Variants in TIAM1 observed in about 807,000 individuals in gnomAD.
The protein encoded by TIAM1 is rho guanine nucleotide exchange factor TIAM1.
TIAM1 carries 65 observed loss-of-function variants against 163.5 expected under a neutral mutation model. The ratio of observed to expected loss-of-function variants is 0.40; its 90% CI spans 0.33 to 0.49. The LOEUF (loss-of-function observed/expected upper bound fraction) is 0.49. Ranked by LOEUF, TIAM1 falls within the 20% of genes least tolerant of loss-of-function variation. TIAM1 has a pLI of 0.77. For synonymous variants in TIAM1, 833 were observed against 810.1 expected (o/e 1.03, Z -0.48); for missense variants, 1,789 against 2,044.7 (o/e 0.87, Z 2.41).
rs772372343 is a variant in TIAM1, at chr21:31,154,425, C to A, written c.2993G>T (p.Ser998Ile). ...SSDETDHSSK[S>I]TEQVAAFCRS... ...GCAAAATGCGGCCACCTGTTCTGTA[C>A]TCTTCGGAGCACAGGGGGGAAGGGA... Residue 998 changes from serine (S) to isoleucine (I), a missense_variant and splice_region_variant, in exon 17 of 28, where the codon AGT becomes ATT. Transcript: ENST00000541036. 1 of 1,612,490 alleles carries A rather than the reference C, an allele frequency of 6.2e-7. No homozygotes were observed. Among genetic ancestry groups the A allele is most frequent in the African/African-American group, 1.3e-5 (1 of 74,876 alleles).
intron 2 of TIAM1, among the ~76,000 whole-genome samples, chr21:31,457,748 G>A (rs765861910): frequency 6.6e-6 from 1 of 152,306 alleles, no homozygotes; most frequent in African/African-American, 2.4e-5. Flanking sequence ...GTATGCAGGT[G>A]TTTCACTAAG....
At chr21:31,343,936 C>T (rs970439953) in intron 1 of TIAM1, among the ~76,000 whole-genome samples, 8 of 152,222 alleles carry the variant, frequency 5.3e-5, no homozygotes, top group African/African-American at 1.9e-4. Context: ...CAACGCGCGC[C>T]GAGCCTCGGG....
At chr21:31,267,584 C>T (rs1344352060) in intron 3 of TIAM1, among the ~76,000 whole-genome samples, 1 of 146,830 alleles carries the variant, frequency 6.8e-6, no homozygotes, top group Non-Finnish European at 1.5e-5. Context: ...AATGGAAAAC[C>T]TCAAGGTGTA....
At chr21:31,475,024 T>G (rs1036977704) in intron 1 of TIAM1, among the ~76,000 whole-genome samples, 59 of 45,716 alleles carry the variant, frequency 1.3e-3, no homozygotes, top group African/African-American at 6.1e-3. Flanking sequence ...TGAGCTAGTT[T>G]TTTATTATTA....
At chr21:31,350,874 G>A (rs1783006) in intron 2 of TIAM1, among the ~76,000 whole-genome samples, 38,939 of 152,064 alleles carry the variant, frequency 0.26, 5,114 homozygotes, top group East Asian at 0.44. Flanking sequence ...GAAGTGAAAA[G>A]GACCCCACCT....
At chr21:31,192,300 T>C (rs913614264) in intron 13 of TIAM1, among the ~76,000 whole-genome samples, 1 of 152,148 alleles carries the variant, frequency 6.6e-6, no homozygotes, top group Non-Finnish European at 1.5e-5. Context: ...AAAAGAGTTT[T>C]AAAGATTTTC....
intron 2 of TIAM1, among the ~76,000 whole-genome samples, chr21:31,447,510 G>C (rs2044670373): frequency 1.3e-5 from 2 of 152,248 alleles, no homozygotes; most frequent in African/African-American, 2.4e-5. Context: ...AGAGAAATAG[G>C]AAAGAAATTC....
At chr21:31,220,146 C>T (rs752811527) in intron 8 of TIAM1, among the ~76,000 whole-genome samples, 21 of 152,156 alleles carry the variant, frequency 1.4e-4, no homozygotes, top group Admixed American at 3.9e-4. Context: ...TAAAATACGT[C>T]GACATATATT....
intron 1 of TIAM1, among the ~76,000 whole-genome samples, chr21:31,530,025 A>G (rs1314773444): frequency 6.6e-6 from 1 of 152,182 alleles, no homozygotes; most frequent in Non-Finnish European, 1.5e-5. Flanking sequence ...TTGGAAGGCA[A>G]GAAGACAACC....
intron 1 of TIAM1, among the ~76,000 whole-genome samples, chr21:31,522,244 T>C (rs968629425): frequency 3.3e-5 from 5 of 151,516 alleles, no homozygotes; most frequent in Non-Finnish European, 7.4e-5. Context: ...CGGTGGCTCA[T>C]GCCTGTAATT....
chr21:31,125,562 C>T (rs2082165271), intron 26 of TIAM1, among the ~76,000 whole-genome samples: 1 of 152,120 alleles, frequency 6.6e-6, no homozygotes, highest in Non-Finnish European at 1.5e-5. Context: ...AGGTTAAACC[C>T]ACCATTTATT....
chr21:31,118,755 C>A lies in TIAM1; in HGVS notation c.*1613G>T. 5.0e-6 allele frequency: 2 copies of A among 397,144 alleles called. No individual in the cohort carries two copies. Among genetic ancestry groups the A allele is most frequent in the Admixed American group, 3.7e-5 (1 of 27,272 alleles). The allele number at this position is 397,144 out of a possible 1,614,324, so 24.6% of individuals were successfully genotyped here. On this transcript the variant is annotated 3_prime_UTR_variant, in exon 28 of 28. Coordinates refer to ENST00000541036, the MANE Select transcript of TIAM1 (RefSeq NM_001353694.2). ...ACCATTCTAAAGCTTTTTCAGAAAACCAGAAGATATAGCAAAAATTTAATA... is the reference window on the plus strand; with the variant it reads ...ACCATTCTAAAGCTTTTTCAGAAAAACAGAAGATATAGCAAAAATTTAATA...
In TIAM1 at chr21:31,391,106, C is replaced by T. The variant is rs145046618; in HGVS notation, c.-368-51684G>A. ...CCTGGCAAGGTAGAGGACGATGCTA[C>T]GTGTGCACTCATAGGCCCGAGGGCA... is the stretch of plus-strand genomic sequence containing the variant. On this transcript the variant is annotated intron_variant, in intron 2 of 28. Coordinates refer to the TIAM1 transcript ENST00000286827. Among the ~76,000 whole-genome samples the T allele has an allele frequency of 2.9e-3, 445 of 151,808 alleles. 4 individuals carry two copies. Among genetic ancestry groups the T allele is most frequent in the African/African-American group, 0.01 (425 of 41,394 alleles).
intron 1 of TIAM1, among the ~76,000 whole-genome samples, chr21:31,470,551 T>C (rs2045703509): frequency 1.3e-5 from 2 of 151,440 alleles, no homozygotes; most frequent in South Asian, 4.2e-4. Flanking sequence ...CAGGCTCGTC[T>C]CGAACTCTTG....
At chr21:31,516,514 C>G (rs1778903768) in intron 1 of TIAM1, among the ~76,000 whole-genome samples, 1 of 152,112 alleles carries the variant, frequency 6.6e-6, no homozygotes, top group Non-Finnish European at 1.5e-5. Context: ...ATCAGGACAG[C>G]AGAGTTGAAC....
At chr21:31,316,563 G>A (rs963278636) in intron 2 of TIAM1, among the ~76,000 whole-genome samples, 2 of 152,154 alleles carry the variant, frequency 1.3e-5, no homozygotes, top group Admixed American at 6.5e-5. Flanking sequence ...GAAGTAATCA[G>A]GACTGTGTGG....
rs187297551 is a variant in TIAM1 at position 31,312,209 on chromosome 21, A to G, written c.-189+27034T>C. Among the ~76,000 whole-genome samples, 20 of 152,340 alleles carry G rather than the reference A, an allele frequency of 1.3e-4. No individual in the cohort carries two copies. The East Asian group carries it at 3.9e-3, about 29-fold the overall frequency. On this transcript the variant is annotated intron_variant, in intron 2 of 27. Coordinates refer to ENST00000541036, the MANE Select transcript of TIAM1 (RefSeq NM_001353694.2). ...GTGACAGTGTGAGTCAATTCTCCCA[A>G]TAAACTCCCCTTCATATATACATCT...
chr21:31,256,097 G>A (rs999850100), intron 4 of TIAM1, among the ~76,000 whole-genome samples: 7 of 152,174 alleles, frequency 4.6e-5, no homozygotes, highest in African/African-American at 1.4e-4. Flanking sequence ...GGAGGCAAGA[G>A]GCAAATTCAA....
chr21:31,529,141 G>A (rs58158751), intron 1 of TIAM1, among the ~76,000 whole-genome samples: 24,294 of 151,402 alleles, frequency 0.16, 2,235 homozygotes, highest in Non-Finnish European at 0.21. Context: ...GGATGGTCTC[G>A]ATCTCCTGAC....
Sources: allele counts gnomAD v4.1 joint callset (sites outside exome capture counted in the v4.1 genomes callset), GRCh38; gene constraint gnomAD v4.1.1; transcripts MANE v1.5; gene names NCBI Gene and HGNC (gene_info 2026-07-23, HGNC 2026-07-21).